Variants in LHFPL3 observed in about 807,000 individuals in gnomAD.
LHFPL3 encodes LHFPL tetraspan subfamily member 3 protein.
A neutral mutation model predicts 19.3 loss-of-function variants in LHFPL3; 5 were observed. The observed-to-expected ratio is 0.26, with a 90% confidence interval of 0.14 to 0.54. The LOEUF (loss-of-function observed/expected upper bound fraction) is 0.54. LHFPL3 is among the 20% of genes least tolerant of loss of function. LHFPL3 has a pLI of 0.94. For synonymous variants in LHFPL3, 133 were observed against 126.2 expected (o/e 1.05, Z -0.36); for missense variants, 249 against 307.4 (o/e 0.81, Z 1.42).
intron 1 of LHFPL3, among the ~76,000 whole-genome samples, chr7:104,523,989 A>T (rs1366066506): frequency 6.6e-6 from 1 of 152,222 alleles, no homozygotes; most frequent in Non-Finnish European, 1.5e-5. Context: ...TTAATCTGTA[A>T]ACAGGTGTTT....
chr7:104,440,471 A>T (rs1161812665), intron 1 of LHFPL3, among the ~76,000 whole-genome samples: 1 of 151,714 alleles, frequency 6.6e-6, no homozygotes, highest in East Asian at 1.9e-4. Context: ...GTAAATGACG[A>T]GTTAATGGGT....
In LHFPL3 at chr7:104,587,546, T is replaced by A. The variant is rs191618788; in HGVS notation, c.446-149129T>A. Among the ~76,000 whole-genome samples the A allele has an allele frequency of 3.8e-3, 575 of 152,352 alleles. 4 individuals carry two copies. Among genetic ancestry groups the A allele is most frequent in the Middle Eastern group, 0.014 (4 of 294 alleles). On this transcript the variant is annotated intron_variant, in intron 1 of 2. Coordinates refer to ENST00000424859, the MANE Select transcript of LHFPL3 (RefSeq NM_199000.3). The stretch of plus-strand genomic sequence containing the variant: ...GTTGGACATTTGGGTTGGTTTCAAG[T>A]CTTTGCTATTATGAATAGTGCCACA...
chr7:104,558,209 G>A (rs1466332576), intron 1 of LHFPL3, among the ~76,000 whole-genome samples: 2 of 151,724 alleles, frequency 1.3e-5, no homozygotes, highest in Non-Finnish European at 1.5e-5. Context: ...TGGGATGGCT[G>A]GATCAAATGG....
At chr7:104,442,171 A>G (rs977710577) in intron 1 of LHFPL3, among the ~76,000 whole-genome samples, 1 of 151,552 alleles carries the variant, frequency 6.6e-6, no homozygotes, top group Admixed American at 6.6e-5. Context: ...ATTTTTTCAC[A>G]TATATATTGG....
intron 1 of LHFPL3, among the ~76,000 whole-genome samples, chr7:104,390,842 CTTG>C (rs929392084): frequency 2.6e-4 from 39 of 152,178 alleles, no homozygotes; most frequent in African/African-American, 7.7e-4. Flanking sequence ...CTCTCCAGCA[CTTG>C]TTGTTTCCTG....
intron 1 of LHFPL3, among the ~76,000 whole-genome samples, chr7:104,549,194 G>A (rs796157058): frequency 2.6e-5 from 4 of 152,184 alleles, no homozygotes; most frequent in African/African-American, 9.6e-5. Flanking sequence ...CAGTAACCAG[G>A]AGGGCTGCTG....
intron 1 of LHFPL3, among the ~76,000 whole-genome samples, chr7:104,680,428 T>C (rs1792673446): frequency 6.6e-6 from 1 of 152,194 alleles, no homozygotes; most frequent in Admixed American, 6.5e-5. Context: ...AGGGGATTCA[T>C]TATTTATGCC....
At chr7:104,858,903 A>T (rs12672828) in intron 2 of LHFPL3, among the ~76,000 whole-genome samples, 1 of 151,706 alleles carries the variant, frequency 6.6e-6, no homozygotes, top group African/African-American at 2.4e-5. Flanking sequence ...CTACCTGCAC[A>T]TGCCATACCT....
chr7:104,799,162 G>A lies in LHFPL3; in HGVS notation c.682+62251G>A, dbSNP rs1053875957. Among the ~76,000 whole-genome samples, 5 of 152,178 alleles carry A rather than the reference G, an allele frequency of 3.3e-5. No homozygotes were observed. In the East Asian group the frequency reaches 9.6e-4, roughly 29 times the overall value. On this transcript the variant is annotated intron_variant, in intron 2 of 2. Coordinates refer to ENST00000424859, the MANE Select transcript of LHFPL3 (RefSeq NM_199000.3). ...TGTTCAATTTTCAGATTTTATTTTT[G>A]CCCTGTTCTCAAATGCAGTCATCAT...
intron 1 of LHFPL3, among the ~76,000 whole-genome samples, chr7:104,577,356 C>G (rs1790357605): frequency 6.6e-6 from 1 of 152,088 alleles, no homozygotes; most frequent in East Asian, 1.9e-4. Context: ...GAAGAAGTTA[C>G]TGTTAACCTA....
Position 104,589,782 on chromosome 7 carries a change from A to G in LHFPL3, c.446-146893A>G, listed in dbSNP as rs370174645. Among the ~76,000 whole-genome samples, 6 of 152,268 alleles carry G rather than the reference A, an allele frequency of 3.9e-5. No homozygotes were observed. The East Asian group carries it at 1.2e-3, about 29-fold the overall frequency. On this transcript the variant is annotated intron_variant, in intron 1 of 2. Coordinates refer to ENST00000424859, the MANE Select transcript of LHFPL3 (RefSeq NM_199000.3). ...TAGTAGGCTATTAATTATTGCCTCAATTTCAGAGCCTGTTATTGGTCTATT... is the reference window on the plus strand; with the variant it reads ...TAGTAGGCTATTAATTATTGCCTCAGTTTCAGAGCCTGTTATTGGTCTATT...
At chr7:104,655,476 A>G (rs1792105643) in intron 1 of LHFPL3, among the ~76,000 whole-genome samples, 1 of 152,218 alleles carries the variant, frequency 6.6e-6, no homozygotes, top group Admixed American at 6.5e-5. Context: ...TTGGAGTAAC[A>G]GTCCTTGAGT....
chr7:104,329,404 G>A (rs1481838337), intron 1 of LHFPL3, among the ~76,000 whole-genome samples, 180 bp downstream of exon 1: 1 of 152,302 alleles, frequency 6.6e-6, no homozygotes, highest in East Asian at 1.9e-4. Context: ...GGGTTCCCCA[G>A]CCCCGGCGCT....
chr7:104,489,546 T>G (rs10242918), intron 1 of LHFPL3, among the ~76,000 whole-genome samples: 19,454 of 150,416 alleles, frequency 0.13, 2,298 homozygotes, highest in African/African-American at 0.32. Flanking sequence ...CCATAAATAT[T>G]TATTTAATAA....
chr7:104,358,208 T>A (rs557961604), intron 1 of LHFPL3, among the ~76,000 whole-genome samples: 1 of 152,296 alleles, frequency 6.6e-6, no homozygotes, highest in East Asian at 1.9e-4. Context: ...CTAGGAAACA[T>A]GAAAAAGTGT....
chr7:104,757,891 A>G (rs1427467936), intron 2 of LHFPL3: 1 of 152,194 alleles, frequency 6.6e-6, no homozygotes, highest in African/African-American at 2.4e-5. Context: ...TACAAAAAAG[A>G]CATGTGCACT....
At chr7:104,579,355 C>G (rs1166106265) in intron 1 of LHFPL3, among the ~76,000 whole-genome samples, 1 of 152,134 alleles carries the variant, frequency 6.6e-6, no homozygotes, top group Non-Finnish European at 1.5e-5. Context: ...TTATTTCAAT[C>G]TTTATGTCCA....
rs954976971 is a variant in LHFPL3 at position 104,529,033 on chromosome 7, G to C, written c.445+199809G>C. ...TTTCCTGCACTGTCTCCAGCCTCAGGCTCTACATGATAGCTCTTGACAGCT... is the reference window on the plus strand; with the variant it reads ...TTTCCTGCACTGTCTCCAGCCTCAGCCTCTACATGATAGCTCTTGACAGCT... On this transcript the variant is annotated intron_variant, in intron 1 of 2. Transcript: ENST00000424859. Among the ~76,000 whole-genome samples the C allele has an allele frequency of 5.3e-5, 8 of 152,222 alleles. 1 individual carries two copies. Among genetic ancestry groups the C allele is most frequent in the African/African-American group, 1.9e-4 (8 of 41,534 alleles).
chr7:104,892,487 C>T (rs1584601533), intron 2 of LHFPL3, among the ~76,000 whole-genome samples: 2 of 151,948 alleles, frequency 1.3e-5, no homozygotes, highest in African/African-American at 2.4e-5. Context: ...CTGAGGCAGG[C>T]GGATCACAAG....
Sources: gnomAD v4.1 joint callset for allele counts (sites outside exome capture counted in the v4.1 genomes callset) on GRCh38, gnomAD v4.1.1 for gene constraint, MANE v1.5 for transcripts, NCBI Gene and HGNC (gene_info 2026-07-23, HGNC 2026-07-21) for gene names.